The following TMC3 variants were observed in gnomAD, a reference collection of about 807,000 sequenced individuals.
The protein encoded by TMC3 is transmembrane channel like 3, also known as transmembrane channel-like protein 3.
TMC3 carries 98 observed loss-of-function variants against 110.6 expected under a neutral mutation model. The ratio of observed to expected loss-of-function variants is 0.89; its 90% CI spans 0.75 to 1.05. The LOEUF (loss-of-function observed/expected upper bound fraction) is 1.05. TMC3 is among the 50% of genes least tolerant of loss of function. TMC3 has a pLI of 0.00. For synonymous variants in TMC3, 489 were observed against 513.1 expected, an observed-to-expected ratio of 0.95 and a Z score of 0.63; for missense variants, 1,319 against 1,373.2, an observed-to-expected ratio of 0.96 and a Z score of 0.62.
chr15:81,345,515 C>A (rs1350012448), intron 12 of TMC3, among the ~76,000 whole-genome samples: 1 of 152,146 alleles, frequency 6.6e-6, no homozygotes, highest in East Asian at 1.9e-4. Context: ...TAAAAGAGCA[C>A]CCCCTGTCTT....
chr15:81,332,303 GC>G lies in TMC3; in HGVS notation c.*115del. On this transcript the variant is annotated 3_prime_UTR_variant, in exon 22 of 22. Coordinates refer to ENST00000359440, the MANE Select transcript of TMC3 (RefSeq NM_001080532.3). ...GCCTCAGCTAGCAGCCGCTGACCAT[GC>G]CCCTCAGGTCTCTAACACACTTGTT... The G allele has an allele frequency of 7.2e-7, 1 of 1,391,028 alleles. No homozygotes were observed. The highest frequency in any genetic ancestry group is 9.5e-7 in the Non-Finnish European group (1 of 1,051,860). 86.2% of individuals were successfully genotyped at this position (1,391,028 alleles called of 1,614,324 possible).
Position 81,332,448 on chromosome 15 carries a change from G to A in TMC3, c.3274C>T (p.Leu1092=). 6.2e-7 allele frequency: 1 copy of A among 1,610,656 alleles called. No homozygotes were observed. Among genetic ancestry groups the A allele is most frequent in the South Asian group, 1.1e-5 (1 of 90,478 alleles). ...AKSGQELTVD[L]DDLICSDV ...ACATCTGAACAAATCAAGTCATCCAGATCCACGGTCAGCTCCTGCCCCGAC... is the reference window on the plus strand; with the variant it reads ...ACATCTGAACAAATCAAGTCATCCAAATCCACGGTCAGCTCCTGCCCCGAC... Residue 1092 remains leucine (L), a synonymous_variant, in exon 22 of 22, where the codon CTG becomes TTG. Transcript: ENST00000359440.
intron 7 of TMC3, among the ~76,000 whole-genome samples, chr15:81,357,041 T>C (rs973735981): frequency 1.1e-4 from 16 of 152,196 alleles, no homozygotes; most frequent in African/African-American, 3.9e-4. Context: ...CTTTAGATAT[T>C]TGAAGGCAGG....
chr15:81,356,856 G>T (rs930790915), intron 7 of TMC3, among the ~76,000 whole-genome samples: 2 of 152,222 alleles, frequency 1.3e-5, no homozygotes, highest in African/African-American at 2.4e-5. Flanking sequence ...CCACTGTGGT[G>T]CCCAGCAGGT....
rs908767834 is a variant in TMC3, at chr15:81,338,672, G to A, written c.2064C>T (p.Pro688=). The part of the protein sequence containing the change: ...GHISSPVVIL[P]AVLLLFMLIY... Reference sequence around the variant, plus strand: ...GTACTCACAAAAGCAGGAGTACTGCGGGCAGGATGACCACGGGGCTACTGA... The same window carrying A: ...GTACTCACAAAAGCAGGAGTACTGCAGGCAGGATGACCACGGGGCTACTGA... Residue 688 remains proline (P), a synonymous_variant, in exon 18 of 22, where the codon CCC becomes CCT. Transcript: ENST00000359440. 22 of 1,613,820 alleles carry A rather than the reference G, an allele frequency of 1.4e-5. No individual in the cohort carries two copies. Among genetic ancestry groups the A allele is most frequent in the South Asian group, 2.2e-5 (2 of 91,082 alleles).
intron 3 of TMC3, among the ~76,000 whole-genome samples, chr15:81,366,093 A>G (rs1179065296): frequency 6.6e-6 from 1 of 152,210 alleles, no homozygotes; most frequent in African/African-American, 2.4e-5. Flanking sequence ...TTAAGCACCT[A>G]GGTTGTGTTT....
At chr15:81,340,226 CTCT>C (rs1255268913) in intron 16 of TMC3, among the ~76,000 whole-genome samples, 22 of 55,484 alleles carry the variant, frequency 4.0e-4, no homozygotes, top group African/African-American at 3.9e-3. Flanking sequence ...CTGTCTCTGT[CTCT>C]CTCTCTCTCT....
At chr15:81,367,430 G>T (rs1046008156) in intron 3 of TMC3, among the ~76,000 whole-genome samples, 14 of 152,158 alleles carry the variant, frequency 9.2e-5, no homozygotes, top group African/African-American at 3.1e-4. Context: ...GAAGTAGGGG[G>T]TATAGAAGGA....
At chr15:81,369,867 G>A (rs1374964999) in intron 2 of TMC3, among the ~76,000 whole-genome samples, 2 of 152,164 alleles carry the variant, frequency 1.3e-5, no homozygotes, top group African/African-American at 4.8e-5. Flanking sequence ...TTGAGGCTGT[G>A]GTGAGCTGTG....
chr15:81,349,431 TG>T, intron 11 of TMC3, 26 bp downstream of exon 11: 1 of 1,406,732 alleles, frequency 7.1e-7, no homozygotes, highest in South Asian at 1.7e-5. Context: ...GAGCCACAGG[TG>T]GCATTTCTGG....
intron 16 of TMC3, 70 bp downstream of exon 16, chr15:81,341,320 G>T: frequency 6.8e-7 from 1 of 1,472,390 alleles, no homozygotes; most frequent in Non-Finnish European, 9.1e-7. Flanking sequence ...AGGACCCCTG[G>T]GTAAGGCAGG....
chr15:81,358,478 C>T lies in TMC3; in HGVS notation c.524G>A (p.Gly175Glu). Residue 175 changes from glycine to glutamate, a missense_variant, in exon 6 of 22, where the codon GGA becomes GAA. Coordinates refer to ENST00000359440, the MANE Select transcript of TMC3 (RefSeq NM_001080532.3). ...IPELIAGQPF[G>E]STARKTIPKE... is the part of the protein sequence containing the mutation. ...GGGGATGGTCTTCCTGGCTGTGCTTCCAAAGGGCTGGCCTGCAATCAGCTG... is the reference window on the plus strand; with the variant it reads ...GGGGATGGTCTTCCTGGCTGTGCTTTCAAAGGGCTGGCCTGCAATCAGCTG... The T allele has an allele frequency of 1.9e-6, 3 of 1,612,780 alleles. No homozygotes were observed. Among genetic ancestry groups the T allele is most frequent in the Non-Finnish European group, 2.5e-6 (3 of 1,179,280 alleles).
chr15:81,342,934 C>G (rs116490920), intron 15 of TMC3: 1 of 202,638 alleles, frequency 4.9e-6, no homozygotes, highest in Non-Finnish European at 9.9e-6. Context: ...TGGCCAAGGT[C>G]CCCCGCAGCC....
rs184834472 is a variant in TMC3, at chr15:81,349,474, G to T, written c.1177C>A (p.Arg393Ser). The T allele has an allele frequency of 5.9e-6, 9 of 1,528,730 alleles. No homozygotes were observed. The highest frequency in any genetic ancestry group is 7.9e-6 in the Non-Finnish European group (9 of 1,137,182). The allele number at this position is 1,528,730 out of a possible 1,614,324, so 94.7% of individuals were successfully genotyped here. A position where few individuals can be genotyped will look rare whatever the true frequency, so the allele number is the denominator to read the frequency against. ...LEMYHPRTTLRFQLARVLVLY... is the reference protein window; with the variant it reads ...LEMYHPRTTLSFQLARVLVLY... ...CTGTTGTACCTTGCAAGCTGGAAGCGCAGCGTGGTCCTGGGGTGGTACATC... is the reference window on the plus strand; with the variant it reads ...CTGTTGTACCTTGCAAGCTGGAAGCTCAGCGTGGTCCTGGGGTGGTACATC... Residue 393 changes from arginine to serine, a missense_variant, in exon 11 of 22, where the codon CGC (arginine) becomes AGC (serine). Arg to Ser is a moderately radical substitution (Grantham distance 110, BLOSUM62 -1). Coordinates refer to ENST00000359440, the MANE Select transcript of TMC3 (RefSeq NM_001080532.3).
intron 10 of TMC3, among the ~76,000 whole-genome samples, chr15:81,350,385 C>G (rs971191417): frequency 6.6e-6 from 1 of 152,150 alleles, no homozygotes; most frequent in Non-Finnish European, 1.5e-5. Flanking sequence ...ATGTAATATT[C>G]TTTCTGTACA....
rs374567895 is a variant in TMC3 at position 81,349,031 on chromosome 15, A to G, written c.1193+427T>C. Among the ~76,000 whole-genome samples the G allele has an allele frequency of 2.6e-3, 394 of 151,784 alleles. 2 individuals are homozygous for G. The highest frequency in any genetic ancestry group is 8.5e-3 in the African/African-American group (353 of 41,344). ...TTTTTAGTAGAGACAGGGTTTCTCC[A>G]TGTTGGTCAGGCTGGTCTTGAACTC... On this transcript the variant is annotated intron_variant, in intron 11 of 21. Coordinates refer to ENST00000359440, the MANE Select transcript of TMC3 (RefSeq NM_001080532.3).
chr15:81,332,559 T>C lies in TMC3; in HGVS notation c.3163A>G (p.Ser1055Gly). ...SAASSSDQQN[S>G]SADQYLQVTH... is the part of the protein sequence containing the mutation. ...ACCTGCAGGTACTGGTCAGCGCTGC[T>C]GTTCTGCTGGTCACTGCTGGATGCT... The change falls in exon 22 of 22, where the codon AGC becomes GGC. Residue 1055 changes from serine to glycine, a missense_variant. Transcript: ENST00000359440. 6.2e-7 allele frequency: 1 copy of C among 1,613,984 alleles called. No homozygotes were observed. The highest frequency in any genetic ancestry group is 8.5e-7 in the Non-Finnish European group (1 of 1,179,888).
At chr15:81,362,589 G>A in intron 3 of TMC3, among the ~76,000 whole-genome samples, 1 of 152,268 alleles carries the variant, frequency 6.6e-6, no homozygotes, top group East Asian at 1.9e-4. Flanking sequence ...TATTGAAGTG[G>A]ATATTCTATA....
At chr15:81,363,314 T>C (rs1894233178) in intron 3 of TMC3, among the ~76,000 whole-genome samples, 1 of 152,232 alleles carries the variant, frequency 6.6e-6, no homozygotes, top group African/African-American at 2.4e-5. Context: ...AAAAAACATT[T>C]CTCAAAAGCG....
Sources: gnomAD v4.1 joint callset for allele counts (sites outside exome capture counted in the v4.1 genomes callset) on GRCh38, gnomAD v4.1.1 for gene constraint, MANE v1.5 for transcripts, NCBI Gene and HGNC (gene_info 2026-07-23, HGNC 2026-07-21) for gene names.